CLEC16A: variants seen among roughly 807,000 people sequenced by gnomAD.
The protein encoded by CLEC16A is C-type lectin domain containing 16A, also known as protein CLEC16A.
A neutral mutation model predicts 109.5 loss-of-function variants in CLEC16A; 51 were observed. The observed-to-expected ratio is 0.47, with a 90% CI of 0.37 to 0.59. CLEC16A has a LOEUF of 0.59. Ranked by LOEUF, CLEC16A falls within the 20% of genes least tolerant of loss-of-function variation. The probability of loss-of-function intolerance (pLI) is 0.00; values close to 1 mark genes in which losing one functional copy is unlikely to be tolerated. For synonymous variants in CLEC16A, 673 were observed against 564.2 expected (o/e 1.19, Z -2.73); for missense variants, 1,339 against 1,394.0 (o/e 0.96, Z 0.63).
At chr16:11,069,088 A>C (rs1200851060) in intron 19 of CLEC16A, among the ~76,000 whole-genome samples, 1 of 146,972 alleles carries the variant, frequency 6.8e-6, no homozygotes, top group Non-Finnish European at 1.5e-5. Context: ...CTGCCTTGGT[A>C]TCCCAAAGTG....
chr16:10,962,611 GCCT>G (rs777547380), intron 3 of CLEC16A, 23 bp downstream of exon 3: 58 of 1,612,336 alleles, frequency 3.6e-5, no homozygotes, highest in Non-Finnish European at 4.8e-5. Context: ...CTTGGTATTT[GCCT>G]CTGTGCTGCT....
chr16:11,020,199 A>G lies in CLEC16A; in HGVS notation c.1310A>G (p.Glu437Gly). 2.5e-6 allele frequency: 4 copies of G among 1,610,922 alleles called. No homozygotes were observed. The highest frequency in any genetic ancestry group is 3.4e-6 in the Non-Finnish European group (4 of 1,178,002). The stretch of plus-strand genomic sequence containing the variant: ...TCTCCATTTTGGCTTCCAGAGATCG[A>G]GATGGTGATCATGGAGCGTAGCAAG... Reference protein sequence around the residue: ...IKTSGESEEIEMVIMERSKLS... With the variant: ...IKTSGESEEIGMVIMERSKLS... Residue 437 changes from glutamate (E) to glycine (G), a missense_variant, in exon 12 of 24, where the codon GAG becomes GGG. Transcript: ENST00000409790.
intron 22 of CLEC16A, among the ~76,000 whole-genome samples, chr16:11,163,267 T>G (rs1399745522): frequency 1.3e-5 from 2 of 152,136 alleles, no homozygotes; most frequent in Non-Finnish European, 2.9e-5. Context: ...GAAAAACCCC[T>G]TGAAATTGCA....
At chr16:11,034,743 T>C (rs79469229) in intron 13 of CLEC16A, among the ~76,000 whole-genome samples, 3,351 of 152,272 alleles carry the variant, frequency 0.022, 97 homozygotes, top group African/African-American at 0.07. Context: ...TCTTTGGAAT[T>C]TGTCTGTCAC....
At chr16:11,091,415 T>C (rs1274298124) in intron 19 of CLEC16A, among the ~76,000 whole-genome samples, 1 of 152,220 alleles carries the variant, frequency 6.6e-6, no homozygotes, top group African/African-American at 2.4e-5. Flanking sequence ...GGCAAGAGCA[T>C]GCTCTGAAGG....
intron 19 of CLEC16A, among the ~76,000 whole-genome samples, chr16:11,090,312 T>A (rs1270761507): frequency 2.0e-5 from 3 of 152,180 alleles, no homozygotes; most frequent in African/African-American, 7.2e-5. Context: ...AATTTCACTT[T>A]GAAATTCTTG....
At chr16:11,170,933 C>T (rs2068484890) in intron 23 of CLEC16A, among the ~76,000 whole-genome samples, 1 of 152,170 alleles carries the variant, frequency 6.6e-6, no homozygotes, top group Admixed American at 6.5e-5. Flanking sequence ...CTGCAGATGA[C>T]AGCCGGGGGA....
At chr16:11,007,365 A>C (rs2045091445) in intron 11 of CLEC16A, among the ~76,000 whole-genome samples, 1 of 152,060 alleles carries the variant, frequency 6.6e-6, no homozygotes, top group South Asian at 2.1e-4. Flanking sequence ...ACCTGGCCTC[A>C]TTTCCAGCTC....
At chr16:11,120,801 G>T (rs1419692947) in intron 20 of CLEC16A, 35 bp downstream of exon 20, 4 of 1,448,276 alleles carry the variant, frequency 2.8e-6, no homozygotes, top group African/African-American at 3.2e-5. Context: ...TCTGTTCTCA[G>T]TTGGCTACAA....
In CLEC16A at chr16:11,039,857, G is replaced by C. The variant is rs1320392778; in HGVS notation, c.1641G>C (p.Met547Ile). The change falls in exon 14 of 24, where the codon ATG (methionine) becomes ATC (isoleucine). Residue 547 changes from methionine (M) to isoleucine (I), a missense_variant. This residue lies in a region of CLEC16A where 1,061 missense variants were observed against 1,006.8 expected (regional missense o/e 1.05). Coordinates refer to ENST00000409790, the MANE Select transcript of CLEC16A (RefSeq NM_015226.3). ...HPLAERLIRI[M>I]NNAAQPDGKI... Reference sequence around the variant, plus strand: ...TAGCTGAAAGACTCATCAGGATCATGAACAACGCTGCCCAGCCAGGTGCCC... The same window carrying C: ...TAGCTGAAAGACTCATCAGGATCATCAACAACGCTGCCCAGCCAGGTGCCC... 1.2e-6 allele frequency: 2 copies of C among 1,612,788 alleles called. No homozygotes were observed. Among genetic ancestry groups the C allele is most frequent in the Non-Finnish European group, 8.5e-7 (1 of 1,179,454 alleles).
chr16:11,008,827 A>G (rs955632943), intron 11 of CLEC16A, among the ~76,000 whole-genome samples: 143 of 54,410 alleles, frequency 2.6e-3, no homozygotes, highest in Non-Finnish European at 4.0e-3. Context: ...CGTCTCTACT[A>G]AAAAAAAAAA....
chr16:10,979,487 C>A, intron 9 of CLEC16A, 105 bp downstream of exon 9: 1 of 987,726 alleles, frequency 1.0e-6, no homozygotes, highest in South Asian at 1.4e-5. Context: ...TTCTCTGTCC[C>A]CCCCATGCTG....
At chr16:10,980,720 A>G (rs933383690) in intron 9 of CLEC16A, among the ~76,000 whole-genome samples, 1 of 152,078 alleles carries the variant, frequency 6.6e-6, no homozygotes, top group Non-Finnish European at 1.5e-5. Context: ...TTGTTCCTCA[A>G]ACTTGAGTAA....
At chr16:11,125,622 C>T (rs1485822894) in intron 21 of CLEC16A, among the ~76,000 whole-genome samples, 3 of 152,238 alleles carry the variant, frequency 2.0e-5, no homozygotes, top group East Asian at 1.9e-4. Flanking sequence ...CGGCCCCACT[C>T]GCTTGGGGTC....
chr16:11,002,480 T>G (rs1567180236), intron 10 of CLEC16A, among the ~76,000 whole-genome samples: 1 of 152,238 alleles, frequency 6.6e-6, no homozygotes, highest in Non-Finnish European at 1.5e-5. Flanking sequence ...TTTTGGAGAT[T>G]AATTTCTCTT....
chr16:10,979,090 C>T (rs1270837238), intron 8 of CLEC16A, among the ~76,000 whole-genome samples: 1 of 152,112 alleles, frequency 6.6e-6, no homozygotes, highest in Non-Finnish European at 1.5e-5. Flanking sequence ...GCCTCTCATC[C>T]GTGAGTAATG....
chr16:11,013,760 A>AAAAT (rs1418993648), intron 11 of CLEC16A, among the ~76,000 whole-genome samples: 3 of 152,102 alleles, frequency 2.0e-5, no homozygotes, highest in East Asian at 1.9e-4. Flanking sequence ...CTCTGTCTCA[A>AAAAT]AAATAAATAA....
intron 22 of CLEC16A, among the ~76,000 whole-genome samples, chr16:11,165,283 G>A (rs2068209360): frequency 6.6e-6 from 1 of 151,766 alleles, no homozygotes; most frequent in African/African-American, 2.4e-5. Flanking sequence ...TTGAGTCCAG[G>A]AGTTCAAGAC....
chr16:11,181,311 G>GAGTGTGGGAAGGCCCAC lies in CLEC16A; in HGVS notation c.*2626_*2642dup, dbSNP rs2068950735. The GAGTGTGGGAAGGCCCAC allele has an allele frequency of 6.6e-6, 1 of 152,390 alleles. No homozygotes were observed. The highest frequency in any genetic ancestry group is 2.4e-5 in the African/African-American group (1 of 41,476). 9.4% of individuals were successfully genotyped at this position (152,390 alleles called of 1,614,324 possible). On this transcript the variant is annotated 3_prime_UTR_variant, in exon 24 of 24. Transcript: ENST00000409790. ...CCCTGGCATCCAGAGGAAGAGCCAGGAGTGTGGGAAGGCCCACAGTGGGGG... is the reference window on the plus strand; with the variant it reads ...CCCTGGCATCCAGAGGAAGAGCCAGGAGTGTGGGAAGGCCCACAGTGTGGGAAGGCCCACAGTGGGGG...
Sources: allele counts gnomAD v4.1 joint callset (sites outside exome capture counted in the v4.1 genomes callset), GRCh38; gene constraint gnomAD v4.1.1; regional missense constraint gnomAD v4.1.1; transcripts MANE v1.5; gene names NCBI Gene and HGNC (gene_info 2026-07-23, HGNC 2026-07-21).